GLRA3: variants seen among roughly 807,000 people sequenced by gnomAD.
The protein encoded by GLRA3 is glycine receptor subunit alpha-3.
GLRA3 carries 44 observed loss-of-function variants against 60.4 expected under a neutral mutation model. The ratio of observed to expected loss-of-function variants is 0.73; its 90% confidence interval spans 0.57 to 0.94. GLRA3 has a LOEUF of 0.94. Ranked by LOEUF, GLRA3 falls within the 40% of genes least tolerant of loss-of-function variation. The pLI, the probability that GLRA3 is intolerant of heterozygous loss-of-function variation, is 0.00. For synonymous variants in GLRA3, 223 were observed against 192.9 expected, an observed-to-expected ratio of 1.16 and a Z score of -1.29; for missense variants, 508 against 564.6, an observed-to-expected ratio of 0.90 and a Z score of 1.02.
intron 4 of GLRA3, among the ~76,000 whole-genome samples, chr4:174,728,179 C>A (rs536802943): frequency 3.3e-5 from 5 of 152,292 alleles, no homozygotes; most frequent in African/African-American, 9.6e-5. Context: ...ATGCATGATT[C>A]AGCTGCCTTT....
At chr4:174,769,659 T>C (rs938188060) in intron 2 of GLRA3, among the ~76,000 whole-genome samples, 1 of 152,062 alleles carries the variant, frequency 6.6e-6, no homozygotes, top group Non-Finnish European at 1.5e-5. Context: ...ATTACTTCCA[T>C]AGCTTTCTGT....
At chr4:174,810,260 A>G (rs1317989919) in intron 1 of GLRA3, among the ~76,000 whole-genome samples, 1 of 152,158 alleles carries the variant, frequency 6.6e-6, no homozygotes. Flanking sequence ...GAAACAAAAG[A>G]TGCTGGACTA....
chr4:174,645,742 G>C, intron 9 of GLRA3, among the ~76,000 whole-genome samples: 1 of 152,016 alleles, frequency 6.6e-6, no homozygotes, highest in East Asian at 1.9e-4. Context: ...TTGTAAGCTC[G>C]CAAAAATTGA....
intron 1 of GLRA3, among the ~76,000 whole-genome samples, chr4:174,814,923 C>T (rs1406752139): frequency 6.6e-6 from 1 of 152,104 alleles, no homozygotes; most frequent in Non-Finnish European, 1.5e-5. Context: ...TCCCAAGAGT[C>T]CCCCCAAAGT....
rs745549319 is a variant in GLRA3 at position 174,766,957 on chromosome 4, G to T, written c.267+6C>A. ...TGTGAAACTTGTTGCAAAGTAAAAT[G>T]CCTACCATGGTCGTCTCTGCGATAG... is the stretch of plus-strand genomic sequence containing the variant. On this transcript the variant is annotated splice_donor_region_variant and intron_variant, in intron 3 of 9. Transcript: ENST00000274093. The T allele has an allele frequency of 6.6e-7, 1 of 1,513,348 alleles. No individual in the cohort carries two copies. Among genetic ancestry groups the T allele is most frequent in the East Asian group, 2.3e-5 (1 of 43,438 alleles). The allele number at this position is 1,513,348 out of a possible 1,614,324, so 93.7% of individuals were successfully genotyped here.
intron 5 of GLRA3, among the ~76,000 whole-genome samples, chr4:174,712,177 G>A (rs1735741495): frequency 6.6e-6 from 1 of 151,954 alleles, no homozygotes; most frequent in Admixed American, 6.6e-5. Flanking sequence ...GTACACTTTT[G>A]AGGGCATAGG....
Position 174,643,675 on chromosome 4 carries a change from T to C in GLRA3, c.*111A>G. On this transcript the variant is annotated 3_prime_UTR_variant, in exon 10 of 10. Transcript: ENST00000274093. Reference sequence around the variant, plus strand: ...TACAAAGCTTTTCCATATGCCATTTTAATACAATGGTCATCATTTGTATAC... The same window carrying C: ...TACAAAGCTTTTCCATATGCCATTTCAATACAATGGTCATCATTTGTATAC... The C allele has an allele frequency of 7.0e-7, 1 of 1,428,708 alleles. No individual in the cohort carries two copies. The highest frequency in any genetic ancestry group is 1.8e-5 in the South Asian group (1 of 56,150). 88.5% of individuals were successfully genotyped at this position (1,428,708 alleles called of 1,614,324 possible). A position where few individuals can be genotyped will look rare whatever the true frequency, so the allele number is the denominator to read the frequency against.
chr4:174,700,101 A>G (rs1163912330), intron 5 of GLRA3, among the ~76,000 whole-genome samples: 1 of 152,200 alleles, frequency 6.6e-6, no homozygotes, highest in Non-Finnish European at 1.5e-5. Flanking sequence ...TGGAGATGAC[A>G]GAAACAGTGA....
chr4:174,678,596 A>G (rs1734218634), intron 6 of GLRA3, among the ~76,000 whole-genome samples: 1 of 152,168 alleles, frequency 6.6e-6, no homozygotes, highest in Non-Finnish European at 1.5e-5. Flanking sequence ...GGATGAACCC[A>G]TGCATGTGTT....
chr4:174,751,804 G>A (rs1737497526), intron 3 of GLRA3, among the ~76,000 whole-genome samples: 1 of 151,790 alleles, frequency 6.6e-6, no homozygotes, highest in Non-Finnish European at 1.5e-5. Context: ...GTTCTTGGTG[G>A]GTGAAAGAAT....
chr4:174,708,120 C>A (rs1735580865), intron 5 of GLRA3, among the ~76,000 whole-genome samples: 1 of 152,054 alleles, frequency 6.6e-6, no homozygotes, highest in South Asian at 2.1e-4. Flanking sequence ...GTATTTCTCA[C>A]TAGGCAAACA....
At chr4:174,661,044 C>T (rs1733414579) in intron 7 of GLRA3, among the ~76,000 whole-genome samples, 3 of 152,258 alleles carry the variant, frequency 2.0e-5, no homozygotes, top group South Asian at 4.1e-4. Context: ...AGCCCTTTCT[C>T]TCAGGAACTC....
intron 5 of GLRA3, among the ~76,000 whole-genome samples, chr4:174,690,251 A>C (rs1193544264): frequency 1.3e-5 from 2 of 152,212 alleles, no homozygotes; most frequent in Non-Finnish European, 2.9e-5. Flanking sequence ...TACCTTTACC[A>C]TGCATAGACT....
chr4:174,788,692 C>A, intron 2 of GLRA3, 124 bp downstream of exon 2: 37 of 360,752 alleles, frequency 1.0e-4, no homozygotes, highest in East Asian at 4.4e-4. Flanking sequence ...ACCTTGGTGA[C>A]TAATGCAATA....
intron 3 of GLRA3, among the ~76,000 whole-genome samples, chr4:174,741,865 T>C (rs969504833): frequency 2.0e-5 from 3 of 152,212 alleles, no homozygotes; most frequent in Non-Finnish European, 2.9e-5. Context: ...TATTTTCTTA[T>C]GGTGCAGAAC....
At chr4:174,759,287 T>A (rs1737847896) in intron 3 of GLRA3, among the ~76,000 whole-genome samples, 1 of 151,632 alleles carries the variant, frequency 6.6e-6, no homozygotes, top group South Asian at 2.1e-4. Flanking sequence ...ATGTAAAAAA[T>A]AATCATGTTC....
intron 5 of GLRA3, among the ~76,000 whole-genome samples, chr4:174,708,561 T>C (rs1310372318): frequency 6.6e-6 from 1 of 151,806 alleles, no homozygotes; most frequent in African/African-American, 2.4e-5. Flanking sequence ...CATTTTCTTA[T>C]ATTGTCTTTT....
intron 1 of GLRA3, among the ~76,000 whole-genome samples, chr4:174,797,729 T>C (rs1222433926): frequency 6.6e-6 from 1 of 152,032 alleles, no homozygotes; most frequent in African/African-American, 2.4e-5. Context: ...TCCAGGAGTT[T>C]GAGACCAGCC....
At chr4:174,799,109 G>A (rs542638467) in intron 1 of GLRA3, among the ~76,000 whole-genome samples, 4 of 152,090 alleles carry the variant, frequency 2.6e-5, no homozygotes, top group South Asian at 4.2e-4. Context: ...TTAATTTTTC[G>A]CAGATAAATG....
Sources: gnomAD v4.1 joint callset for allele counts (sites outside exome capture counted in the v4.1 genomes callset) on GRCh38, gnomAD v4.1.1 for gene constraint, MANE v1.5 for transcripts, NCBI Gene and HGNC (gene_info 2026-07-23, HGNC 2026-07-21) for gene names.